Variants in STIM2 observed in about 807,000 individuals in gnomAD.
STIM2 encodes stromal interaction molecule 2.
In STIM2, 31 loss-of-function variants were observed where a neutral mutation model predicts 85.8. That is an observed-to-expected ratio of 0.36 (90% CI 0.27 to 0.49). The LOEUF (loss-of-function observed/expected upper bound fraction) is 0.49, where lower values mean the gene tolerates loss of function less well. STIM2 is among the 20% of genes least tolerant of loss of function. The probability of loss-of-function intolerance (pLI) is 0.98; values close to 1 mark genes in which losing one functional copy is unlikely to be tolerated. For synonymous variants in STIM2, 356 were observed against 331.1 expected (o/e 1.08, Z -0.82); for missense variants, 841 against 927.6 (o/e 0.91, Z 1.21).
At chr4:26,927,865 A>G (rs899234456) in intron 2 of STIM2, among the ~76,000 whole-genome samples, 1 of 146,530 alleles carries the variant, frequency 6.8e-6, no homozygotes, top group African/African-American at 2.5e-5. Context: ...TAATTATTAT[A>G]TAAATTATAT....
intron 7 of STIM2, among the ~76,000 whole-genome samples, chr4:27,004,918 C>T (rs562574564): frequency 6.6e-6 from 1 of 152,274 alleles, no homozygotes; most frequent in East Asian, 1.9e-4. Flanking sequence ...TTTTAATCCT[C>T]ACAACACATA....
At chr4:26,894,867 T>G (rs1483970233) in intron 1 of STIM2, among the ~76,000 whole-genome samples, 1 of 152,248 alleles carries the variant, frequency 6.6e-6, no homozygotes, top group Non-Finnish European at 1.5e-5. Flanking sequence ...TAAATTGATT[T>G]GGAGGCAGTT....
intron 11 of STIM2, 45 bp downstream of exon 11, chr4:27,018,029 G>T (rs775335674): frequency 3.1e-6 from 5 of 1,602,316 alleles, no homozygotes; most frequent in Admixed American, 1.7e-5. Context: ...GGCTGGGTTG[G>T]GGGTAAGGTG....
chr4:26,951,557 T>C (rs1560217662), intron 2 of STIM2, among the ~76,000 whole-genome samples: 1 of 152,130 alleles, frequency 6.6e-6, no homozygotes, highest in Non-Finnish European at 1.5e-5. Flanking sequence ...AACTGTTGTT[T>C]GTATATTGTG....
intron 1 of STIM2, among the ~76,000 whole-genome samples, chr4:26,907,736 A>G (rs756609602): frequency 3.3e-5 from 5 of 152,162 alleles, no homozygotes; most frequent in South Asian, 2.1e-4. Flanking sequence ...GAGGCTTTCT[A>G]TTTTTGGAGG....
At chr4:26,997,409 C>G (rs1297740568) in intron 4 of STIM2, among the ~76,000 whole-genome samples, 1 of 152,186 alleles carries the variant, frequency 6.6e-6, no homozygotes, top group Non-Finnish European at 1.5e-5. Context: ...TTTCTATACT[C>G]TGTAATTCTT....
intron 2 of STIM2, among the ~76,000 whole-genome samples, chr4:26,932,925 T>G (rs1725256125): frequency 6.6e-6 from 1 of 152,148 alleles, no homozygotes. Context: ...TAACGACTTG[T>G]CCTGAAAGAA....
chr4:27,007,316 A>AT (rs370537485), intron 7 of STIM2, among the ~76,000 whole-genome samples: 23,692 of 139,986 alleles, frequency 0.17, 2,059 homozygotes, highest in Middle Eastern at 0.29. Flanking sequence ...CTCAGCCTTC[A>AT]TTTTTTTTTT....
intron 3 of STIM2, among the ~76,000 whole-genome samples, chr4:26,970,264 A>G (rs1339643200): frequency 2.8e-5 from 4 of 144,532 alleles, no homozygotes; most frequent in African/African-American, 7.7e-5. Flanking sequence ...TTTTTTTATT[A>G]TACTTTAAGT....
intron 1 of STIM2, among the ~76,000 whole-genome samples, chr4:26,862,368 G>A (rs989707049): frequency 6.8e-6 from 1 of 148,046 alleles, no homozygotes; most frequent in African/African-American, 2.5e-5. Flanking sequence ...TAGATCTGTA[G>A]ATTTCCTACA....
At chr4:26,962,354 T>A (rs1418680556) in intron 3 of STIM2, among the ~76,000 whole-genome samples, 2 of 152,200 alleles carry the variant, frequency 1.3e-5, no homozygotes, top group African/African-American at 4.8e-5. Flanking sequence ...ATTCAAAGTT[T>A]TGTACTGTTT....
chr4:26,958,656 AT>A, intron 3 of STIM2, among the ~76,000 whole-genome samples: 1 of 152,178 alleles, frequency 6.6e-6, no homozygotes, highest in East Asian at 1.9e-4. Flanking sequence ...GAAAACAATT[AT>A]GCACTTAAAA....
intron 3 of STIM2, among the ~76,000 whole-genome samples, chr4:26,989,814 T>G (rs1727702718): frequency 6.6e-6 from 1 of 152,098 alleles, no homozygotes; most frequent in African/African-American, 2.4e-5. Flanking sequence ...CTCTATACAT[T>G]AGCAGAGATC....
At chr4:26,963,590 A>T (rs766645697) in intron 3 of STIM2, among the ~76,000 whole-genome samples, 4 of 152,150 alleles carry the variant, frequency 2.6e-5, no homozygotes, top group Non-Finnish European at 5.9e-5. Flanking sequence ...CTCCTCCAGG[A>T]GTTTAACAGT....
rs13435444 is a variant in STIM2, at chr4:27,021,644, T to A, written c.1764-875T>A. ...GAATGATATGTTTTGCTTGAGTTTT[T>A]AAAAATCACTTTAATGGCTGTGTAG... On this transcript the variant is annotated intron_variant, in intron 11 of 11. Transcript: ENST00000467087. 2.0e-3 allele frequency: 892 copies of A among 456,670 alleles called. 5 individuals carry two copies. The highest frequency in any genetic ancestry group is 0.017 in the African/African-American group (829 of 50,164). 28.3% of individuals were successfully genotyped at this position (456,670 alleles called of 1,614,324 possible).
intron 1 of STIM2, among the ~76,000 whole-genome samples, chr4:26,894,438 C>A (rs1482987484): frequency 6.6e-6 from 1 of 151,756 alleles, no homozygotes; most frequent in East Asian, 1.9e-4. Context: ...ATTTCAAATT[C>A]AGGTTTTTAT....
chr4:26,921,445 C>T (rs1724792594), intron 2 of STIM2, among the ~76,000 whole-genome samples: 2 of 152,266 alleles, frequency 1.3e-5, no homozygotes, highest in Middle Eastern at 3.4e-3. Flanking sequence ...CTTTAGTGGG[C>T]CATGCAGTTG....
At chr4:26,959,051 T>C (rs1343005913) in intron 3 of STIM2, among the ~76,000 whole-genome samples, 2 of 152,190 alleles carry the variant, frequency 1.3e-5, no homozygotes, top group Non-Finnish European at 2.9e-5. Context: ...GCCTAATTCA[T>C]CTCCCTGTGT....
intron 4 of STIM2, among the ~76,000 whole-genome samples, chr4:26,996,381 C>A (rs1056037608): frequency 6.6e-6 from 1 of 151,928 alleles, no homozygotes; most frequent in Non-Finnish European, 1.5e-5. Flanking sequence ...TTTCCTACAT[C>A]CAAAAAGACT....
Sources: allele counts gnomAD v4.1 joint callset (sites outside exome capture counted in the v4.1 genomes callset), GRCh38; gene constraint gnomAD v4.1.1; transcripts MANE v1.5; gene names NCBI Gene and HGNC (gene_info 2026-07-23, HGNC 2026-07-21).